The following RALYL variants were observed in gnomAD, a reference collection of about 807,000 sequenced individuals.
RALYL encodes the protein RNA-binding Raly-like protein.
A neutral mutation model predicts 35.1 loss-of-function variants in RALYL; 29 were observed. The ratio of observed to expected loss-of-function variants is 0.83; its 90% CI spans 0.61 to 1.13. RALYL has a LOEUF of 1.13. RALYL is among the 50% of genes most tolerant of loss of function. RALYL has a pLI of 0.00. For missense variants in RALYL, 359 were observed against 360.4 expected (o/e 1.00, Z 0.03); for synonymous variants, 120 against 127.6 (o/e 0.94, Z 0.40).
chr8:84,442,072 A>G (rs2048384205), intron 1 of RALYL, among the ~76,000 whole-genome samples: 1 of 152,158 alleles, frequency 6.6e-6, no homozygotes, highest in Non-Finnish European at 1.5e-5. Context: ...TTTGGATAAC[A>G]GGGAGCACCA....
chr8:84,411,263 A>T (rs1391253289), intron 1 of RALYL, among the ~76,000 whole-genome samples: 1 of 151,912 alleles, frequency 6.6e-6, no homozygotes, highest in East Asian at 1.9e-4. Flanking sequence ...ACAAAATAAT[A>T]ACATCTTGCT....
chr8:84,838,129 A>G (rs772777328), intron 4 of RALYL, among the ~76,000 whole-genome samples: 1 of 152,150 alleles, frequency 6.6e-6, no homozygotes, highest in Non-Finnish European at 1.5e-5. Context: ...TGGGGCAGGG[A>G]TTTTTCTTAA....
intron 1 of RALYL, among the ~76,000 whole-genome samples, chr8:84,325,810 G>C (rs548561471): frequency 5.3e-5 from 8 of 152,312 alleles, no homozygotes; most frequent in African/African-American, 1.4e-4. Flanking sequence ...AAAATCCACA[G>C]AACAAGAATA....
intron 2 of RALYL, among the ~76,000 whole-genome samples, chr8:84,683,911 C>G (rs1490786852): frequency 6.6e-6 from 1 of 152,134 alleles, no homozygotes; most frequent in Non-Finnish European, 1.5e-5. Flanking sequence ...ATCTCGAACT[C>G]CCGATCAGGA....
In RALYL at chr8:84,485,686, A is replaced by C. The variant is rs770074560; in HGVS notation, c.-23-43613A>C. ...AATTCCATTTCAGTTATTCAGGACAAAACCTTGGAATTTTTCTTGATTTAT... is the reference window on the plus strand; with the variant it reads ...AATTCCATTTCAGTTATTCAGGACACAACCTTGGAATTTTTCTTGATTTAT... On this transcript the variant is annotated intron_variant, in intron 1 of 8. Coordinates refer to ENST00000521268, the MANE Select transcript of RALYL (RefSeq NM_173848.7). 3.5e-4 allele frequency among the ~76,000 whole-genome samples: 54 copies of C among 152,176 alleles called. 1 individual carries two copies. Among genetic ancestry groups the C allele is most frequent in the Non-Finnish European group, 6.3e-4 (43 of 68,036 alleles).
rs544489382 is a variant in RALYL, at chr8:84,217,846, A to G, written c.-24+33422A>G. On this transcript the variant is annotated intron_variant, in intron 1 of 8. Coordinates refer to ENST00000521268, the MANE Select transcript of RALYL (RefSeq NM_173848.7). ...AGCCTAATAGAATTTCCCACAAACT[A>G]GTTCTCCTCATTGACCCAATAGTTT... 4.6e-5 allele frequency among the ~76,000 whole-genome samples: 7 copies of G among 152,244 alleles called. No homozygotes were observed. In the East Asian group the frequency reaches 5.8e-4, roughly 13 times the overall value.
intron 1 of RALYL, among the ~76,000 whole-genome samples, chr8:84,332,153 T>C (rs1846936944): frequency 6.6e-6 from 1 of 152,070 alleles, no homozygotes; most frequent in Non-Finnish European, 1.5e-5. Flanking sequence ...CTTTTTCTTG[T>C]AAGAAAAAGA....
chr8:84,316,872 C>CT (rs1843859484), intron 1 of RALYL, among the ~76,000 whole-genome samples: 1 of 152,178 alleles, frequency 6.6e-6, no homozygotes, highest in Non-Finnish European at 1.5e-5. Context: ...TAGAGAGCTA[C>CT]TGCTTCTTTT....
chr8:84,238,133 A>C (rs1295667458), intron 1 of RALYL, among the ~76,000 whole-genome samples: 1 of 152,152 alleles, frequency 6.6e-6, no homozygotes, highest in Non-Finnish European at 1.5e-5. Context: ...ATTTTGTAGA[A>C]TGACCCACAC....
chr8:84,760,543 C>G (rs1812443112), intron 2 of RALYL, among the ~76,000 whole-genome samples: 1 of 152,066 alleles, frequency 6.6e-6, no homozygotes, highest in African/African-American at 2.4e-5. Flanking sequence ...GAATCTATCT[C>G]TTTACTACCT....
rs541687700 is a variant in RALYL at position 84,245,832 on chromosome 8, G to A, written c.-24+61408G>A. 5.9e-5 allele frequency among the ~76,000 whole-genome samples: 9 copies of A among 152,186 alleles called. No homozygotes were observed. The South Asian group carries it at 1.2e-3, about 21-fold the overall frequency. On this transcript the variant is annotated intron_variant, in intron 1 of 8. Transcript: ENST00000521268. ...ACAGAATCAGGATCAATGAATAAAGGTTATGAGAAGGCTGATTTACCCTCA... is the reference window on the plus strand; with the variant it reads ...ACAGAATCAGGATCAATGAATAAAGATTATGAGAAGGCTGATTTACCCTCA...
intron 1 of RALYL, among the ~76,000 whole-genome samples, chr8:84,442,597 T>C (rs569707245): frequency 2.6e-5 from 4 of 152,228 alleles, no homozygotes; most frequent in East Asian, 1.9e-4. Context: ...GAGACAGATG[T>C]TGAGTCAATA....
chr8:84,432,776 A>T (rs2047279866), intron 1 of RALYL, among the ~76,000 whole-genome samples: 1 of 152,120 alleles, frequency 6.6e-6, no homozygotes, highest in South Asian at 2.1e-4. Flanking sequence ...ATAAAGTTGC[A>T]ATCCAAGGAA....
At chr8:84,704,852 A>T (rs923379) in intron 2 of RALYL, among the ~76,000 whole-genome samples, 2,963 of 152,312 alleles carry the variant, frequency 0.019, 44 homozygotes, top group Middle Eastern at 0.051. Flanking sequence ...TTCTATGAAG[A>T]GTTATGGAGA....
At chr8:84,692,497 G>A (rs768232897) in intron 2 of RALYL, among the ~76,000 whole-genome samples, 1 of 152,076 alleles carries the variant, frequency 6.6e-6, no homozygotes, top group East Asian at 1.9e-4. Flanking sequence ...CCACTACCCT[G>A]AAACCTGCAA....
At chr8:84,570,872 A>G (rs1380119571) in intron 2 of RALYL, among the ~76,000 whole-genome samples, 3 of 151,844 alleles carry the variant, frequency 2.0e-5, no homozygotes, top group African/African-American at 7.2e-5. Context: ...TGTTTATGCC[A>G]TGAATCAAAT....
At chr8:84,685,369 T>C (rs1836549173) in intron 2 of RALYL, among the ~76,000 whole-genome samples, 1 of 152,082 alleles carries the variant, frequency 6.6e-6, no homozygotes, top group African/African-American at 2.4e-5. Context: ...ACTGCACTAG[T>C]CTTCATCCTA....
At chr8:84,854,557 A>G (rs555231815) in intron 5 of RALYL, among the ~76,000 whole-genome samples, 7 of 152,286 alleles carry the variant, frequency 4.6e-5, no homozygotes, top group Admixed American at 6.5e-5. Context: ...GCTGCAGCTG[A>G]TCACACTTGC....
chr8:84,818,129 G>A (rs531218158), intron 4 of RALYL, among the ~76,000 whole-genome samples: 3 of 152,060 alleles, frequency 2.0e-5, no homozygotes, highest in Admixed American at 2.0e-4. Flanking sequence ...CACTGAGGAA[G>A]AGAGACAAGA....
Sources: allele counts gnomAD v4.1 joint callset (sites outside exome capture counted in the v4.1 genomes callset), GRCh38; gene constraint gnomAD v4.1.1; transcripts MANE v1.5; gene names NCBI Gene and HGNC (gene_info 2026-07-23, HGNC 2026-07-21).